The following HIVEP2 variants were observed in gnomAD, a reference collection of about 807,000 sequenced individuals.
HIVEP2 encodes HIVEP zinc finger 2.
A neutral mutation model predicts 180.7 loss-of-function variants in HIVEP2; 14 were observed. The ratio of observed to expected loss-of-function variants is 0.08; its 90% CI spans 0.05 to 0.12. The LOEUF (loss-of-function observed/expected upper bound fraction) is 0.12, where lower values mean the gene tolerates loss of function less well. HIVEP2 is among the 10% of genes least tolerant of loss of function. The pLI, the probability that HIVEP2 is intolerant of heterozygous loss-of-function variation, is 1.00. For synonymous variants in HIVEP2, 1,184 were observed against 1,136.4 expected, an observed-to-expected ratio of 1.04 and a Z score of -0.84; for missense variants, 2,579 against 3,008.5, an observed-to-expected ratio of 0.86 and a Z score of 3.34.
intron 2 of HIVEP2, among the ~76,000 whole-genome samples, chr6:142,793,651 T>TCTTG (rs1776200614): frequency 1.4e-5 from 1 of 71,586 alleles, no homozygotes; most frequent in African/African-American, 4.6e-5. Flanking sequence ...TTTCTTTCTT[T>TCTTG]CTTTCTTTTT....
intron 1 of HIVEP2, among the ~76,000 whole-genome samples, chr6:142,858,147 G>A (rs538843305): frequency 6.6e-6 from 1 of 152,342 alleles, no homozygotes; most frequent in African/African-American, 2.4e-5. Flanking sequence ...CAAGATCCCA[G>A]ACATATCATC....
Position 142,774,603 on chromosome 6 carries a change from G to T in HIVEP2, c.136C>A (p.Arg46=). Residue 46 remains arginine, a synonymous_variant, in exon 5 of 10, where the codon CGG becomes AGG. Transcript: ENST00000367603. The surrounding 1 kb of genome is among the most constrained non-coding windows in gnomAD (Gnocchi z 5.1). ...MSTFGSHEGQ[R]QPQIEPEQIG... is the part of the protein sequence containing the mutation. ...TGCTCAGGCTCTATTTGTGGTTGCC[G>T]CTGTCCTTCATGACTGCCAAAAGTG... 6.2e-7 allele frequency: 1 copy of T among 1,614,186 alleles called. No individual in the cohort carries two copies. The highest frequency in any genetic ancestry group is 8.5e-7 in the Non-Finnish European group (1 of 1,180,032).
At chr6:142,886,671 C>G (rs1288244375) in intron 1 of HIVEP2, among the ~76,000 whole-genome samples, 1 of 151,260 alleles carries the variant, frequency 6.6e-6, no homozygotes, top group African/African-American at 2.5e-5. Flanking sequence ...CCATTGTTAC[C>G]CAGTTAATTA....
Position 142,772,293 on chromosome 6 carries a change from T to C in HIVEP2, c.2446A>G (p.Arg816Gly), listed in dbSNP as rs1465648878. 1 of 1,614,236 alleles carries C rather than the reference T, an allele frequency of 6.2e-7. No homozygotes were observed. Among genetic ancestry groups the C allele is most frequent in the Non-Finnish European group, 8.5e-7 (1 of 1,180,038 alleles). The change falls in exon 5 of 10, where the codon AGG (arginine) becomes GGG (glycine). Residue 816 changes from arginine (R) to glycine (G), a missense_variant. Coordinates refer to ENST00000367603, the MANE Select transcript of HIVEP2 (RefSeq NM_006734.4). The surrounding 1 kb of genome is among the most constrained non-coding windows in gnomAD (Gnocchi z 4.9). The part of the protein sequence containing the change: ...NSLSRPNSFE[R>G]SESAELVACT... ...GCCACAAGTTCGGCTGACTCAGACCTTTCAAATGAATTGGGTCGGCTCAGT... is the reference window on the plus strand; with the variant it reads ...GCCACAAGTTCGGCTGACTCAGACCCTTCAAATGAATTGGGTCGGCTCAGT...
chr6:142,822,840 GAAC>G (rs976175821), intron 2 of HIVEP2, among the ~76,000 whole-genome samples: 1 of 152,154 alleles, frequency 6.6e-6, no homozygotes, highest in African/African-American at 2.4e-5. Context: ...GTGAGGGAAG[GAAC>G]ACTTATTGAC....
At chr6:142,811,209 C>G (rs201055140) in intron 2 of HIVEP2, among the ~76,000 whole-genome samples, 2 of 135,220 alleles carry the variant, frequency 1.5e-5, no homozygotes, top group East Asian at 2.0e-4. Flanking sequence ...GTGAGAGAGA[C>G]AGAGAGAGAG....
In HIVEP2 at chr6:142,753,500, G is replaced by A; in HGVS notation, c.6948C>T (p.Asn2316=). ...TTTCCTCCTGTTCCCGCTCTGTTGC[G>A]TTTAGGCTGTCTTCCGAAGTGCTCT... The part of the protein sequence containing the change: ...MKQSTSEDSL[N]ATEREQEENI... The change falls in exon 10 of 10, where the codon AAC becomes AAT. Residue 2316 remains asparagine (N), a synonymous_variant. Coordinates refer to ENST00000367603, the MANE Select transcript of HIVEP2 (RefSeq NM_006734.4). The A allele has an allele frequency of 1.9e-6, 3 of 1,614,142 alleles. No individual in the cohort carries two copies. The highest frequency in any genetic ancestry group is 1.7e-5 in the Admixed American group (1 of 60,024).
intron 1 of HIVEP2, among the ~76,000 whole-genome samples, chr6:142,851,042 A>G (rs1335542640): frequency 6.6e-6 from 1 of 152,260 alleles, no homozygotes; most frequent in Non-Finnish European, 1.5e-5. Flanking sequence ...AACTTAGGAA[A>G]TGACTTCTAG....
chr6:142,790,047 C>A (rs995433080), intron 2 of HIVEP2, among the ~76,000 whole-genome samples: 1 of 152,060 alleles, frequency 6.6e-6, no homozygotes, highest in African/African-American at 2.4e-5. Flanking sequence ...TCAGTATAAG[C>A]TATTTTCTAA....
chr6:142,756,497 CTG>C (rs1207087560), intron 9 of HIVEP2, among the ~76,000 whole-genome samples: 1 of 152,162 alleles, frequency 6.6e-6, no homozygotes, highest in Non-Finnish European at 1.5e-5. Flanking sequence ...AATTAAAAAA[CTG>C]TGGTCAAGAG....
intron 1 of HIVEP2, among the ~76,000 whole-genome samples, chr6:142,906,561 A>G (rs1451913420): frequency 3.9e-5 from 6 of 152,112 alleles, no homozygotes; most frequent in Admixed American, 3.9e-4. Context: ...CAATTTGAAA[A>G]TGAGGACCAT....
chr6:142,756,519 C>G (rs980489015), intron 9 of HIVEP2, among the ~76,000 whole-genome samples: 1 of 152,158 alleles, frequency 6.6e-6, no homozygotes, highest in African/African-American at 2.4e-5. Flanking sequence ...GGTTAAGTGA[C>G]TCGCCCAAGA....
intron 1 of HIVEP2, among the ~76,000 whole-genome samples, chr6:142,939,888 G>GA (rs916144438): frequency 6.6e-6 from 1 of 151,476 alleles, no homozygotes. Flanking sequence ...TTATAAAACA[G>GA]AAAAAAAAGT....
At chr6:142,862,977 A>AATT (rs199639305) in intron 1 of HIVEP2, among the ~76,000 whole-genome samples, 23,841 of 138,598 alleles carry the variant, frequency 0.17, 2,233 homozygotes, top group South Asian at 0.22. Flanking sequence ...TATTATATGT[A>AATT]ATATATAATA....
chr6:142,934,406 C>A (rs1335500559), intron 1 of HIVEP2, among the ~76,000 whole-genome samples: 1 of 152,194 alleles, frequency 6.6e-6, no homozygotes, highest in Non-Finnish European at 1.5e-5. Flanking sequence ...AGTTTCAAGT[C>A]ATCCATTCTG....
chr6:142,875,515 T>A (rs941639825), intron 1 of HIVEP2, among the ~76,000 whole-genome samples: 1 of 152,194 alleles, frequency 6.6e-6, no homozygotes, highest in Admixed American at 6.5e-5. Context: ...GGAAGCCTAG[T>A]AAGAGCTTTT....
chr6:142,926,935 A>C (rs1454360838), intron 1 of HIVEP2, among the ~76,000 whole-genome samples: 1 of 151,910 alleles, frequency 6.6e-6, no homozygotes, highest in Non-Finnish European at 1.5e-5. Flanking sequence ...ACGTCATTGC[A>C]TTCATGCTCC....
In HIVEP2 at chr6:142,753,408, C is replaced by T. The variant is rs765090207; in HGVS notation, c.7040G>A (p.Gly2347Glu). The change falls in exon 10 of 10, where the codon GGG becomes GAG. Residue 2347 changes from glycine (G) to glutamate (E), a missense_variant. Around this residue, in one of 11 missense-constraint regions of HIVEP2, gnomAD observed 660 missense variants for 731.7 expected, o/e 0.90. Transcript: ENST00000367603. Reference protein sequence around the residue: ...RIATEEAALLGPDQPARVQEP... With the variant: ...RIATEEAALLEPDQPARVQEP... ...CTGCACCCGCGCTGGCTGATCTGGCCCGAGCAGAGCTGCCTCTTCCGTGGC... is the reference window on the plus strand; with the variant it reads ...CTGCACCCGCGCTGGCTGATCTGGCTCGAGCAGAGCTGCCTCTTCCGTGGC... The T allele has an allele frequency of 2.5e-6, 4 of 1,613,776 alleles. No individual in the cohort carries two copies. The highest frequency in any genetic ancestry group is 2.7e-5 in the African/African-American group (2 of 74,906).
At chr6:142,855,377 G>A (rs781043431) in intron 1 of HIVEP2, among the ~76,000 whole-genome samples, 55 of 152,266 alleles carry the variant, frequency 3.6e-4, no homozygotes, top group African/African-American at 5.8e-4. Flanking sequence ...GGCCTCTTCC[G>A]CTACAACCTT....
Sources: allele counts gnomAD v4.1 joint callset (sites outside exome capture counted in the v4.1 genomes callset), GRCh38; gene constraint gnomAD v4.1.1; regional missense constraint gnomAD v4.1.1; non-coding constraint Gnocchi (gnomAD v3.1); transcripts MANE v1.5; gene names NCBI Gene and HGNC (gene_info 2026-07-23, HGNC 2026-07-21).